The following CTNND2 variants were observed in gnomAD, a reference collection of about 807,000 sequenced individuals.
The protein encoded by CTNND2 is catenin delta-2.
A neutral mutation model predicts 144.4 loss-of-function variants in CTNND2; 22 were observed. The observed-to-expected ratio is 0.15, with a 90% CI of 0.11 to 0.22. The LOEUF is 0.22. Ranked by LOEUF, CTNND2 falls within the 10% of genes least tolerant of loss-of-function variation. CTNND2 has a pLI of 1.00. For missense variants in CTNND2, 1,353 were observed against 1,618.8 expected (o/e 0.84, Z 2.82); for synonymous variants, 751 against 695.6 (o/e 1.08, Z -1.25).
intron 16 of CTNND2, among the ~76,000 whole-genome samples, chr5:11,052,669 G>A (rs977187840): frequency 2.0e-5 from 3 of 152,062 alleles, no homozygotes; most frequent in African/African-American, 7.2e-5. Context: ...AAGCTCCCTT[G>A]AGTGCTGTCC....
rs116043751 is a variant in CTNND2 at position 11,361,491 on chromosome 5, G to A, written c.1372+3205C>T. Among the ~76,000 whole-genome samples, 366 of 152,276 alleles carry A rather than the reference G, an allele frequency of 2.4e-3. 1 individual carries two copies. Among genetic ancestry groups the A allele is most frequent in the African/African-American group, 8.1e-3 (338 of 41,560 alleles). ...TTTAAAGACTGGTTCCACACAACCC[G>A]TGTGACCTTCGCATATTACTCAACA... is the stretch of plus-strand genomic sequence containing the variant. On this transcript the variant is annotated intron_variant, in intron 8 of 21. Transcript: ENST00000304623.
chr5:11,883,580 C>T (rs1357371385), intron 1 of CTNND2, among the ~76,000 whole-genome samples: 1 of 152,138 alleles, frequency 6.6e-6, no homozygotes, highest in Non-Finnish European at 1.5e-5. Context: ...CAGTCTATCA[C>T]TGATGGGCAT....
intron 9 of CTNND2, among the ~76,000 whole-genome samples, chr5:11,283,773 T>C (rs1482054872): frequency 1.3e-5 from 2 of 150,686 alleles, no homozygotes; most frequent in Admixed American, 6.6e-5. Flanking sequence ...CAAATACATG[T>C]TAGATTATTC....
chr5:11,250,455 T>TTCTC (rs1561093391), intron 9 of CTNND2, among the ~76,000 whole-genome samples: 35 of 72,974 alleles, frequency 4.8e-4, no homozygotes, highest in Admixed American at 3.2e-3. Context: ...ATTTAAAGGG[T>TTCTC]GCTCTCTCTC....
At chr5:11,582,317 G>A (rs762525684) in intron 2 of CTNND2, among the ~76,000 whole-genome samples, 4 of 152,188 alleles carry the variant, frequency 2.6e-5, no homozygotes, top group Non-Finnish European at 5.9e-5. Flanking sequence ...AAAAGAAAAT[G>A]AAATGAAATA....
intron 1 of CTNND2, among the ~76,000 whole-genome samples, chr5:11,802,541 TG>T (rs1286335081): frequency 1.3e-5 from 2 of 150,636 alleles, no homozygotes; most frequent in African/African-American, 2.5e-5. Context: ...CACTCCAGTC[TG>T]GGCAACAAGA....
At chr5:11,181,444 C>T (rs149151637) in intron 11 of CTNND2, among the ~76,000 whole-genome samples, 2 of 152,162 alleles carry the variant, frequency 1.3e-5, no homozygotes, top group African/African-American at 4.8e-5. Flanking sequence ...ACCAGCAGAG[C>T]ACACAGGCTG....
chr5:11,511,978 T>G (rs1471886171), intron 3 of CTNND2, among the ~76,000 whole-genome samples: 5 of 152,198 alleles, frequency 3.3e-5, no homozygotes, highest in African/African-American at 1.2e-4. Context: ...TGAACCAGAT[T>G]TTCTTTCTGA....
At chr5:10,979,538 G>C (rs1164227957) in intron 21 of CTNND2, among the ~76,000 whole-genome samples, 1 of 152,246 alleles carries the variant, frequency 6.6e-6, no homozygotes, top group African/African-American at 2.4e-5. Flanking sequence ...GGGAAGGAGA[G>C]ATGTATGAAG....
At chr5:11,393,822 T>C (rs1252389260) in intron 6 of CTNND2, among the ~76,000 whole-genome samples, 1 of 152,120 alleles carries the variant, frequency 6.6e-6, no homozygotes, top group African/African-American at 2.4e-5. Flanking sequence ...CAGAGTAATG[T>C]TTTTAACACA....
chr5:11,797,122 T>G (rs2126879588), intron 1 of CTNND2, among the ~76,000 whole-genome samples: 1 of 152,332 alleles, frequency 6.6e-6, no homozygotes, highest in East Asian at 1.9e-4. Context: ...TCTTTGACAT[T>G]GAGATTGGCT....
At chr5:11,428,230 C>T (rs916055526) in intron 3 of CTNND2, among the ~76,000 whole-genome samples, 6 of 152,182 alleles carry the variant, frequency 3.9e-5, no homozygotes, top group Middle Eastern at 3.2e-3. Flanking sequence ...CAACAATCCC[C>T]GGTTCAAAAG....
intron 1 of CTNND2, among the ~76,000 whole-genome samples, chr5:11,873,997 C>T (rs1397068305): frequency 6.6e-6 from 1 of 152,070 alleles, no homozygotes; most frequent in Non-Finnish European, 1.5e-5. Flanking sequence ...AATCAAGTGC[C>T]CTCACAACAC....
intron 9 of CTNND2, among the ~76,000 whole-genome samples, chr5:11,302,865 T>TAGG (rs1749757291): frequency 6.6e-6 from 1 of 152,174 alleles, no homozygotes; most frequent in Non-Finnish European, 1.5e-5. Context: ...AGAGGGAAGT[T>TAGG]AGGAGGAGGA....
chr5:11,057,390 C>T (rs1173781966), intron 16 of CTNND2, among the ~76,000 whole-genome samples: 1 of 152,170 alleles, frequency 6.6e-6, no homozygotes, highest in African/African-American at 2.4e-5. Flanking sequence ...GTTCTCACGA[C>T]AGTGAATAAG....
intron 1 of CTNND2, among the ~76,000 whole-genome samples, chr5:11,888,377 C>T (rs1736711372): frequency 6.6e-6 from 1 of 152,140 alleles, no homozygotes; most frequent in African/African-American, 2.4e-5. Context: ...TCCCCAGGGC[C>T]AACGTACTAG....
At chr5:11,265,688 T>G (rs1260276134) in intron 9 of CTNND2, among the ~76,000 whole-genome samples, 1 of 150,184 alleles carries the variant, frequency 6.7e-6, no homozygotes, top group Non-Finnish European at 1.5e-5. Context: ...CATCACTGTA[T>G]GTATTCTCTA....
At chr5:11,819,295 G>C (rs1302759424) in intron 1 of CTNND2, among the ~76,000 whole-genome samples, 2 of 152,074 alleles carry the variant, frequency 1.3e-5, no homozygotes, top group Non-Finnish European at 2.9e-5. Context: ...TTAGCCAGGA[G>C]TGGTGGCGGG....
At chr5:10,992,371 T>A (rs1456994287) in intron 19 of CTNND2, among the ~76,000 whole-genome samples, 180 bp downstream of exon 19, 1 of 152,172 alleles carries the variant, frequency 6.6e-6, no homozygotes, top group Non-Finnish European at 1.5e-5. Flanking sequence ...TTGCTCTGAG[T>A]CTGTGTATAC....
Sources: gnomAD v4.1 joint callset for allele counts (sites outside exome capture counted in the v4.1 genomes callset) on GRCh38, gnomAD v4.1.1 for gene constraint, MANE v1.5 for transcripts, NCBI Gene and HGNC (gene_info 2026-07-23, HGNC 2026-07-21) for gene names.